The following ALPK2 variants were observed in gnomAD, a reference collection of about 807,000 sequenced individuals.
ALPK2 encodes alpha-protein kinase 2.
In ALPK2, 127 loss-of-function variants were observed where a neutral mutation model predicts 163.1. The ratio of observed to expected loss-of-function variants is 0.78; its 90% CI spans 0.67 to 0.90. The LOEUF is 0.90. Among genes scored for constraint, ALPK2 ranks in the 40% least tolerant of loss-of-function variants. The pLI is 0.00. For missense variants in ALPK2, 2,360 were observed against 2,589.6 expected (o/e 0.91, Z 1.92); for synonymous variants, 953 against 959.1 (o/e 0.99, Z 0.12).
chr18:58,501,887 A>G (rs1024223326), intron 11 of ALPK2, among the ~76,000 whole-genome samples: 6 of 152,188 alleles, frequency 3.9e-5, no homozygotes, highest in African/African-American at 7.2e-5. Flanking sequence ...GCCAATGTCA[A>G]TCTCTTGGTT....
intron 1 of ALPK2, among the ~76,000 whole-genome samples, chr18:58,622,296 G>A (rs149728926): frequency 6.6e-5 from 10 of 152,186 alleles, no homozygotes; most frequent in East Asian, 3.9e-4. Context: ...ATAGTGAGCC[G>A]AGATCGCACC....
At chr18:58,528,574 A>G (rs2051595630) in intron 6 of ALPK2, among the ~76,000 whole-genome samples, 1 of 152,034 alleles carries the variant, frequency 6.6e-6, no homozygotes, top group Admixed American at 6.6e-5. Context: ...CCAGAAATAA[A>G]CAGGTTTTCC....
intron 6 of ALPK2, 93 bp downstream of exon 6, chr18:58,528,998 C>T (rs938450881): frequency 5.3e-6 from 8 of 1,505,978 alleles, no homozygotes; most frequent in South Asian, 3.6e-5. Context: ...TTCCTTTTCA[C>T]GTCCTATAAT....
chr18:58,506,031 G>A (rs1457801083), intron 10 of ALPK2, among the ~76,000 whole-genome samples: 1 of 152,100 alleles, frequency 6.6e-6, no homozygotes. Flanking sequence ...AATCCCTAGC[G>A]ACTTCCTTGC....
intron 1 of ALPK2, among the ~76,000 whole-genome samples, chr18:58,616,087 A>G (rs7504779): frequency 0.098 from 14,851 of 152,266 alleles, 1,007 homozygotes; most frequent in Non-Finnish European, 0.15. Context: ...AATTATTGGT[A>G]TTAGTGGAGG....
intron 3 of ALPK2, among the ~76,000 whole-genome samples, chr18:58,605,195 T>A (rs1030827932): frequency 5.3e-5 from 8 of 152,116 alleles, no homozygotes; most frequent in African/African-American, 1.9e-4. Context: ...CCAAATCTGG[T>A]CCCTCGCCTG....
At chr18:58,497,040 G>A (rs2051404556) in intron 12 of ALPK2, among the ~76,000 whole-genome samples, 1 of 152,076 alleles carries the variant, frequency 6.6e-6, no homozygotes, top group Middle Eastern at 3.2e-3. Context: ...ATTCCTTCCC[G>A]AATAAACCAT....
At chr18:58,626,895 AGAC>A (rs1398385161) in intron 1 of ALPK2, among the ~76,000 whole-genome samples, 1 of 149,336 alleles carries the variant, frequency 6.7e-6, no homozygotes, top group South Asian at 2.1e-4. Flanking sequence ...AAAAAAAAAA[AGAC>A]AGAAGCTTTT....
intron 1 of ALPK2, among the ~76,000 whole-genome samples, chr18:58,621,334 G>A (rs1203453664): frequency 2.0e-5 from 3 of 151,414 alleles, no homozygotes; most frequent in East Asian, 3.9e-4. Flanking sequence ...GAGTGCAGTG[G>A]CACTATCTCG....
intron 3 of ALPK2, among the ~76,000 whole-genome samples, chr18:58,588,972 G>A (rs1246510622): frequency 6.6e-6 from 1 of 152,162 alleles, no homozygotes; most frequent in Non-Finnish European, 1.5e-5. Flanking sequence ...TGCTGGGTAT[G>A]TTTGAATATT....
chr18:58,608,863 T>G (rs112178951), intron 2 of ALPK2, among the ~76,000 whole-genome samples: 5 of 149,680 alleles, frequency 3.3e-5, no homozygotes, highest in Middle Eastern at 3.5e-3. Flanking sequence ...GAGACAGGAG[T>G]ATGATCTGAG....
intron 12 of ALPK2, among the ~76,000 whole-genome samples, chr18:58,483,198 A>G (rs544880966): frequency 9.2e-5 from 14 of 152,234 alleles, no homozygotes; most frequent in African/African-American, 3.1e-4. Flanking sequence ...CCATGGGGAT[A>G]AACACTTTGA....
chr18:58,535,036 G>A lies in ALPK2; in HGVS notation c.5151C>T (p.Ala1717=). The part of the protein sequence containing the change: ...GSEEVKRKPE[A]PGSGHLAEGV... Reference sequence around the variant, plus strand: ...CCTCAGCTAAATGTCCACTGCCTGGGGCTTCTGGCTTCCTCTTGACCTCCT... The same window carrying A: ...CCTCAGCTAAATGTCCACTGCCTGGAGCTTCTGGCTTCCTCTTGACCTCCT... Residue 1717 remains alanine (A), a synonymous_variant, in exon 5 of 13, where the codon GCC becomes GCT. Transcript: ENST00000361673. 6.2e-7 allele frequency: 1 copy of A among 1,614,062 alleles called. No individual in the cohort carries two copies. The highest frequency in any genetic ancestry group is 8.5e-7 in the Non-Finnish European group (1 of 1,180,004).
At chr18:58,503,025 G>T (rs996336364) in intron 11 of ALPK2, among the ~76,000 whole-genome samples, 1 of 152,190 alleles carries the variant, frequency 6.6e-6, no homozygotes, top group South Asian at 2.1e-4. Context: ...TTCCCCAGTT[G>T]CACTTCCCTA....
At chr18:58,496,982 G>A (rs2051404369) in intron 12 of ALPK2, among the ~76,000 whole-genome samples, 1 of 152,200 alleles carries the variant, frequency 6.6e-6, no homozygotes, top group Non-Finnish European at 1.5e-5. Flanking sequence ...GAGACTGCTG[G>A]AAAATGTCAA....
At chr18:58,484,142 T>C (rs1195407529) in intron 12 of ALPK2, among the ~76,000 whole-genome samples, 1 of 151,820 alleles carries the variant, frequency 6.6e-6, no homozygotes, top group African/African-American at 2.4e-5. Context: ...GAAAAAAGAG[T>C]GGGATGCTTT....
At chr18:58,584,660 A>G (rs573108284) in intron 3 of ALPK2, among the ~76,000 whole-genome samples, 23 of 152,374 alleles carry the variant, frequency 1.5e-4, no homozygotes, top group Admixed American at 8.5e-4. Context: ...TAGGAGCTGC[A>G]GTGGAGTGAA....
chr18:58,501,957 G>A (rs1432298582), intron 11 of ALPK2, among the ~76,000 whole-genome samples: 3 of 152,078 alleles, frequency 2.0e-5, no homozygotes, highest in Admixed American at 6.5e-5. Flanking sequence ...TGAAGCATAC[G>A]TGGGAATCAC....
At chr18:58,547,988 A>G (rs907501687) in intron 4 of ALPK2, among the ~76,000 whole-genome samples, 3 of 152,218 alleles carry the variant, frequency 2.0e-5, no homozygotes, top group Admixed American at 1.3e-4. Context: ...TAAAAGCAAA[A>G]CCAAGGTAGT....
Sources: allele counts gnomAD v4.1 joint callset (sites outside exome capture counted in the v4.1 genomes callset), GRCh38; gene constraint gnomAD v4.1.1; transcripts MANE v1.5; gene names NCBI Gene and HGNC (gene_info 2026-07-23, HGNC 2026-07-21).